PLA2G6: variants seen among roughly 807,000 people sequenced by gnomAD.
PLA2G6 encodes the protein 85/88 kDa calcium-independent phospholipase A2.
A neutral mutation model predicts 83.8 loss-of-function variants in PLA2G6; 62 were observed. The ratio of observed to expected loss-of-function variants is 0.74; its 90% CI spans 0.60 to 0.91. The LOEUF is 0.91. PLA2G6 is among the 40% of genes least tolerant of loss of function. The pLI is 0.00. For synonymous variants in PLA2G6, 417 were observed against 449.8 expected, an observed-to-expected ratio of 0.93 and a Z score of 0.92; for missense variants, 944 against 1,102.0, an observed-to-expected ratio of 0.86 and a Z score of 2.03.
At chr22:38,159,265 C>T (rs776921817) in intron 2 of PLA2G6, among the ~76,000 whole-genome samples, 3 of 152,088 alleles carry the variant, frequency 2.0e-5, no homozygotes, top group Middle Eastern at 6.8e-3. Flanking sequence ...TTGACAACTT[C>T]GATAAAATAG....
At chr22:38,129,377 TG>T in intron 8 of PLA2G6, 76 bp downstream of exon 8, 1 of 1,018,784 alleles carries the variant, frequency 9.8e-7, no homozygotes, top group Non-Finnish European at 1.6e-6. Flanking sequence ...ACCTGATGCC[TG>T]GGACTTCCCT....
intron 2 of PLA2G6, chr22:38,148,841 C>A: frequency 3.0e-6 from 1 of 336,038 alleles, no homozygotes; most frequent in South Asian, 6.0e-5. Context: ...AAACATCAAA[C>A]TAGGCTCTAG....
chr22:38,140,218 C>A, intron 4 of PLA2G6, 49 bp from the exon 5 acceptor site: 1 of 1,573,936 alleles, frequency 6.4e-7, no homozygotes, highest in South Asian at 1.1e-5. Context: ...CTGATAAGAA[C>A]GTAAAGAGGC....
At chr22:38,166,696 T>G (rs1169718030) in intron 2 of PLA2G6, among the ~76,000 whole-genome samples, 1 of 151,980 alleles carries the variant, frequency 6.6e-6, no homozygotes, top group Non-Finnish European at 1.5e-5. Flanking sequence ...GCCACTGCAC[T>G]CCAGCCTGGG....
chr22:38,112,746 A>G (rs2086957487), intron 15 of PLA2G6, 169 bp from the exon 16 acceptor site: 1 of 665,662 alleles, frequency 1.5e-6, no homozygotes, highest in African/African-American at 1.8e-5. Context: ...CCTTCCTGGG[A>G]CTGCAGGGAC....
chr22:38,169,828 T>C (rs550193491), intron 1 of PLA2G6, among the ~76,000 whole-genome samples: 9 of 152,314 alleles, frequency 5.9e-5, no homozygotes, highest in African/African-American at 1.9e-4. Context: ...TGAACATACA[T>C]TATAGGCAGT....
intron 2 of PLA2G6, among the ~76,000 whole-genome samples, chr22:38,168,783 G>T (rs1429160273): frequency 6.6e-6 from 1 of 152,188 alleles, no homozygotes; most frequent in Non-Finnish European, 1.5e-5. Flanking sequence ...CTGGGAGGCA[G>T]AGGTTGCAGT....
rs117163692 is a variant in PLA2G6 at position 38,171,394 on chromosome 22, C to T, written c.-45-1923G>A. On this transcript the variant is annotated intron_variant, in intron 1 of 16. Coordinates refer to ENST00000332509, the MANE Select transcript of PLA2G6 (RefSeq NM_003560.4). Reference sequence around the variant, plus strand: ...GTTGTTGTTTTGAAACAGGGTCTGGCTCTGTTGCCCAGGCTGGAGTACAGT... The same window carrying T: ...GTTGTTGTTTTGAAACAGGGTCTGGTTCTGTTGCCCAGGCTGGAGTACAGT... Among the ~76,000 whole-genome samples the T allele has an allele frequency of 7.4e-3, 1,131 of 152,218 alleles. 8 individuals carry two copies. Among genetic ancestry groups the T allele is most frequent in the Non-Finnish European group, 0.013 (889 of 68,014 alleles).
chr22:38,169,157 T>A, intron 2 of PLA2G6, 61 bp downstream of exon 2: 2 of 1,333,578 alleles, frequency 1.5e-6, no homozygotes, highest in Non-Finnish European at 1.1e-6. Flanking sequence ...CAATAAGACC[T>A]CCAATCCGAG....
chr22:38,140,521 G>A (rs1378359682), intron 4 of PLA2G6: 6 of 284,582 alleles, frequency 2.1e-5, no homozygotes, highest in African/African-American at 4.4e-5. Flanking sequence ...AAAAAAGAAC[G>A]TAAAGAGAAG....
chr22:38,127,103 A>T, intron 9 of PLA2G6: 1 of 1,115,236 alleles, frequency 9.0e-7, no homozygotes, highest in South Asian at 2.2e-5. Flanking sequence ...CAAGCAGCCC[A>T]GTCCCCAGGT....
At position 38,145,864 on chromosome 22, in the gene PLA2G6, G is replaced by A. The variant is rs553246438; in HGVS notation, c.210-211C>T. ...ATACACATGTAAATGACATAATGGC[G>A]TTTAGGTTAGACTTTCTTTGTTTTT... is the stretch of plus-strand genomic sequence containing the variant. On this transcript the variant is annotated intron_variant, in intron 2 of 16. Transcript: ENST00000332509. 3.6e-4 allele frequency: 210 copies of A among 580,858 alleles called. 1 individual carries two copies. The Middle Eastern group carries it at 3.8e-3, about 10-fold the overall frequency. 36.0% of individuals were successfully genotyped at this position (580,858 alleles called of 1,614,324 possible). A position where few individuals can be genotyped will look rare whatever the true frequency, so the allele number is the denominator to read the frequency against.
chr22:38,113,382 C>T (rs2086997396), intron 15 of PLA2G6, 105 bp downstream of exon 15: 3 of 1,104,584 alleles, frequency 2.7e-6, no homozygotes, highest in African/African-American at 3.1e-5. Flanking sequence ...TGGACAGAGC[C>T]CTGCTGTCTC....
At chr22:38,173,646 G>A (rs133009) in intron 1 of PLA2G6, among the ~76,000 whole-genome samples, 1 of 151,886 alleles carries the variant, frequency 6.6e-6, no homozygotes, top group Non-Finnish European at 1.5e-5. Context: ...TGGTGTGAGG[G>A]TCCCCTGGAG....
Position 38,132,038 on chromosome 22 carries a change from C to T in PLA2G6, c.1077+793G>A, listed in dbSNP as rs1454868448. The stretch of plus-strand genomic sequence containing the variant: ...GCTGAGGCAGGAGAATCGCTTGAAC[C>T]TGGGAGGCGGAGGTTGTGGTGAGCC... On this transcript the variant is annotated intron_variant, in intron 7 of 16. Transcript: ENST00000332509. The surrounding 1 kb of genome is among the most constrained non-coding windows in gnomAD (Gnocchi z 5.0). 3 of 429,246 alleles carry T rather than the reference C, an allele frequency of 7.0e-6. No individual in the cohort carries two copies. Among genetic ancestry groups the T allele is most frequent in the South Asian group, 5.0e-5 (3 of 60,092 alleles). 26.6% of individuals were successfully genotyped at this position (429,246 alleles called of 1,614,324 possible).
At chr22:38,145,784 AACACACACACACACACACAC>A (rs132936) in intron 2 of PLA2G6, 131 bp from the exon 3 acceptor site, 45 of 484,206 alleles carry the variant, frequency 9.3e-5, no homozygotes, top group Middle Eastern at 6.0e-4. Context: ...CTCCCAAGCA[AACACACACACACACACACAC>A]ACACACACAC....
At position 38,128,233 on chromosome 22, in the gene PLA2G6, CAGCTGGAGAAG is replaced by C; in HGVS notation, c.1348+25_1348+35del. ...TGCTGTGATCCAGGGGCCTGGGAAC[CAGCTGGAGAAG>C]AGGGAGTCGGGAGGCGAGGCCTACC... On this transcript the variant is annotated intron_variant, in intron 9 of 16. Coordinates refer to ENST00000332509, the MANE Select transcript of PLA2G6 (RefSeq NM_003560.4). The surrounding 1 kb of genome is among the most constrained non-coding windows in gnomAD (Gnocchi z 4.4). The C allele has an allele frequency of 6.2e-7, 1 of 1,608,560 alleles. No individual in the cohort carries two copies. Among genetic ancestry groups the C allele is most frequent in the East Asian group, 2.2e-5 (1 of 44,866 alleles).
rs1189051562 is a variant in PLA2G6, at chr22:38,180,602, C to T, written c.-46+1062G>A. On this transcript the variant is annotated intron_variant, in intron 1 of 16. Coordinates refer to ENST00000332509, the MANE Select transcript of PLA2G6 (RefSeq NM_003560.4). ...TGATACACTGAAAGACAAGGGACCT[C>T]CTGCTCATCCTTCTCTCCTTGTCTT... Among the ~76,000 whole-genome samples the T allele has an allele frequency of 2.6e-5, 4 of 152,292 alleles. No homozygotes were observed. The South Asian group carries it at 8.3e-4, about 32-fold the overall frequency.
intron 2 of PLA2G6, 51 bp downstream of exon 2, chr22:38,169,167 G>T: frequency 7.1e-7 from 1 of 1,405,758 alleles, no homozygotes; most frequent in Non-Finnish European, 1.0e-6. Flanking sequence ...TCCAATCCGA[G>T]ACGTGGGGGA....
Sources: allele counts gnomAD v4.1 joint callset (sites outside exome capture counted in the v4.1 genomes callset), GRCh38; gene constraint gnomAD v4.1.1; non-coding constraint Gnocchi (gnomAD v3.1); transcripts MANE v1.5; gene names NCBI Gene and HGNC (gene_info 2026-07-23, HGNC 2026-07-21).